Variants in KIF26B observed in about 807,000 individuals in gnomAD.
The protein encoded by KIF26B is kinesin-like protein KIF26B.
A neutral mutation model predicts 151.2 loss-of-function variants in KIF26B; 63 were observed. The ratio of observed to expected loss-of-function variants is 0.42; its 90% CI spans 0.34 to 0.51. KIF26B has a LOEUF of 0.51. Among genes scored for constraint, KIF26B ranks in the 20% least tolerant of loss-of-function variants. The pLI is 0.07. For missense variants in KIF26B, 2,813 were observed against 2,913.6 expected (o/e 0.97, Z 0.79); for synonymous variants, 1,357 against 1,262.1 (o/e 1.08, Z -1.59).
At chr1:245,322,801 G>A (rs1169601947) in intron 2 of KIF26B, among the ~76,000 whole-genome samples, 5 of 152,186 alleles carry the variant, frequency 3.3e-5, no homozygotes, top group Non-Finnish European at 5.9e-5. Context: ...AAAGGTAACC[G>A]AGGGTCAGAT....
At position 245,698,016 on chromosome 1, in the gene KIF26B, T is replaced by C. The variant is rs931118475; in HGVS notation, c.5825-90T>C. The C allele has an allele frequency of 2.4e-6, 3 of 1,238,276 alleles. No individual in the cohort carries two copies. The Admixed American group carries it at 7.3e-5, about 30-fold the overall frequency. 76.7% of individuals were successfully genotyped at this position (1,238,276 alleles called of 1,614,324 possible). On this transcript the variant is annotated intron_variant, in intron 12 of 14. Coordinates refer to ENST00000407071, the MANE Select transcript of KIF26B (RefSeq NM_018012.4). This position sits in a 1 kb window ranked among gnomAD's most constrained non-coding sequence, Gnocchi z 4.0. The stretch of plus-strand genomic sequence containing the variant: ...TGGATCGCACCACTGCACTCCAGCC[T>C]GGGCAACAGAGCAAGACCCTGTCTC...
At chr1:245,342,146 G>T (rs73132955) in intron 2 of KIF26B, among the ~76,000 whole-genome samples, 7,504 of 152,192 alleles carry the variant, frequency 0.049, 577 homozygotes, top group African/African-American at 0.16. Context: ...TCTGAGCCCT[G>T]GATGGATGGT....
intron 4 of KIF26B, among the ~76,000 whole-genome samples, chr1:245,451,282 GT>G (rs1397413137): frequency 2.0e-5 from 3 of 151,960 alleles, no homozygotes; most frequent in Admixed American, 2.0e-4. Context: ...GATAGATAGT[GT>G]TTTTATTAAC....
At chr1:245,202,202 GCT>G (rs1669312012) in intron 2 of KIF26B, among the ~76,000 whole-genome samples, 1 of 152,164 alleles carries the variant, frequency 6.6e-6, no homozygotes, top group Non-Finnish European at 1.5e-5. Context: ...AGCCAGGAAA[GCT>G]CTCATTTACC....
intron 2 of KIF26B, among the ~76,000 whole-genome samples, chr1:245,211,402 C>T (rs1669525248): frequency 6.6e-6 from 1 of 152,184 alleles, no homozygotes; most frequent in Non-Finnish European, 1.5e-5. Flanking sequence ...GTGCTGGAGG[C>T]CGGCTTTGCA....
chr1:245,591,447 G>A (rs1043003535), intron 5 of KIF26B, among the ~76,000 whole-genome samples: 1 of 152,152 alleles, frequency 6.6e-6, no homozygotes, highest in East Asian at 1.9e-4. Flanking sequence ...TATTATGGCC[G>A]ATTTATAGAT....
intron 6 of KIF26B, among the ~76,000 whole-genome samples, chr1:245,605,033 G>A (rs1244907074): frequency 6.6e-6 from 1 of 152,134 alleles, no homozygotes; most frequent in Non-Finnish European, 1.5e-5. Flanking sequence ...TCGGTATGGT[G>A]GTGTATCTTT....
intron 5 of KIF26B, among the ~76,000 whole-genome samples, chr1:245,542,805 G>C (rs1288102940): frequency 6.6e-6 from 1 of 152,128 alleles, no homozygotes; most frequent in Non-Finnish European, 1.5e-5. Flanking sequence ...AGTGTACATG[G>C]GCTCTTGTTT....
At chr1:245,267,793 A>G (rs1670775473) in intron 2 of KIF26B, among the ~76,000 whole-genome samples, 1 of 152,204 alleles carries the variant, frequency 6.6e-6, no homozygotes. Flanking sequence ...GTGAGAATAT[A>G]TAATGTGTCT....
At chr1:245,265,307 G>A (rs1278347848) in intron 2 of KIF26B, among the ~76,000 whole-genome samples, 16 of 151,788 alleles carry the variant, frequency 1.1e-4, no homozygotes, top group East Asian at 1.9e-4. Context: ...CAAATAGACC[G>A]ATGGAACAAA....
At chr1:245,526,661 T>A (rs1437392098) in intron 4 of KIF26B, among the ~76,000 whole-genome samples, 5 of 152,186 alleles carry the variant, frequency 3.3e-5, no homozygotes, top group Admixed American at 1.3e-4. Flanking sequence ...TGACAATTAA[T>A]TAGCTTTGCT....
At chr1:245,453,334 G>A (rs1292887187) in intron 4 of KIF26B, among the ~76,000 whole-genome samples, 1 of 152,022 alleles carries the variant, frequency 6.6e-6, no homozygotes. Context: ...ACTGCATCCT[G>A]TCTTTATATA....
chr1:245,546,230 T>G (rs2103105989), intron 5 of KIF26B, among the ~76,000 whole-genome samples: 1 of 152,348 alleles, frequency 6.6e-6, no homozygotes, highest in Non-Finnish European at 1.5e-5. Flanking sequence ...GTTTTTTGTT[T>G]TTTGAGTCAG....
chr1:245,369,195 G>GAGAGAGAGAGAGAC (rs375330671), intron 3 of KIF26B, among the ~76,000 whole-genome samples: 17 of 129,498 alleles, frequency 1.3e-4, no homozygotes, highest in Non-Finnish European at 2.0e-4. Flanking sequence ...GAGAGAGAGA[G>GAGAGAGAGAGAGAC]AGACAGACAG....
chr1:245,579,960 G>A (rs1015960112), intron 5 of KIF26B, among the ~76,000 whole-genome samples: 2 of 152,160 alleles, frequency 1.3e-5, no homozygotes, highest in Admixed American at 6.5e-5. Flanking sequence ...TCAAGGAGAC[G>A]TGAGCATTCC....
intron 5 of KIF26B, among the ~76,000 whole-genome samples, chr1:245,550,682 GA>G (rs1448216550): frequency 6.6e-6 from 1 of 152,230 alleles, no homozygotes; most frequent in Admixed American, 6.5e-5. Context: ...GCACATGCTG[GA>G]AAAGTGGCGT....
At position 245,170,914 on chromosome 1, in the gene KIF26B, T is replaced by G. The variant is rs1348926765; in HGVS notation, c.465+14231T>G. Among the ~76,000 whole-genome samples the G allele has an allele frequency of 6.6e-6, 1 of 152,208 alleles. No homozygotes were observed. Among genetic ancestry groups the G allele is most frequent in the African/African-American group, 2.4e-5 (1 of 41,448 alleles). On this transcript the variant is annotated intron_variant, in intron 2 of 14. Coordinates refer to ENST00000407071, the MANE Select transcript of KIF26B (RefSeq NM_018012.4). The surrounding 1 kb of genome is among the most constrained non-coding windows in gnomAD (Gnocchi z 4.4). ...GTTCATGTTTGGTTTAATTTTTCCC[T>G]TTATCTGGTAATTGATTCTGCACTG...
At chr1:245,295,419 G>A (rs990164697) in intron 2 of KIF26B, among the ~76,000 whole-genome samples, 1 of 152,162 alleles carries the variant, frequency 6.6e-6, no homozygotes, top group African/African-American at 2.4e-5. Flanking sequence ...GGCTAAGGTC[G>A]AGTTTAAGGA....
chr1:245,690,384 G>C (rs2147960910), intron 12 of KIF26B, among the ~76,000 whole-genome samples: 1 of 152,290 alleles, frequency 6.6e-6, no homozygotes, highest in East Asian at 1.9e-4. Context: ...AGTAAAAGAT[G>C]GGGTGAGACA....
Sources: allele counts gnomAD v4.1 joint callset (sites outside exome capture counted in the v4.1 genomes callset), GRCh38; gene constraint gnomAD v4.1.1; non-coding constraint Gnocchi (gnomAD v3.1); transcripts MANE v1.5; gene names NCBI Gene and HGNC (gene_info 2026-07-23, HGNC 2026-07-21).